Variants in CALN1 observed in about 807,000 individuals in gnomAD.
The protein encoded by CALN1 is calcium-binding protein 8.
CALN1 carries 17 observed loss-of-function variants against 30.6 expected under a neutral mutation model. The observed-to-expected ratio is 0.56, with a 90% CI of 0.38 to 0.83. CALN1 has a LOEUF of 0.83. Among genes scored for constraint, CALN1 ranks in the 40% least tolerant of loss-of-function variants. The pLI, the probability that CALN1 is intolerant of heterozygous loss-of-function variation, is 0.00. For missense variants in CALN1, 291 were observed against 354.9 expected (o/e 0.82, Z 1.45); for synonymous variants, 156 against 131.4 (o/e 1.19, Z -1.28).
At chr7:72,311,764 T>G (rs1289636311) in intron 2 of CALN1, among the ~76,000 whole-genome samples, 1 of 147,228 alleles carries the variant, frequency 6.8e-6, no homozygotes, top group Non-Finnish European at 1.5e-5. Flanking sequence ...CCCAAACTGC[T>G]GAGATTACAG....
At chr7:72,359,501 T>C (rs1267557089) in intron 2 of CALN1, among the ~76,000 whole-genome samples, 5 of 152,178 alleles carry the variant, frequency 3.3e-5, no homozygotes, top group Non-Finnish European at 7.3e-5. Context: ...AAGGTACTAC[T>C]TTTAGGTCAC....
At chr7:72,096,942 C>T (rs1159236770) in intron 4 of CALN1, among the ~76,000 whole-genome samples, 2 of 152,152 alleles carry the variant, frequency 1.3e-5, no homozygotes, top group Non-Finnish European at 1.5e-5. Context: ...GGATTAAGAA[C>T]ATGTGGCACA....
At chr7:71,990,185 C>G (rs1281438543) in intron 5 of CALN1, among the ~76,000 whole-genome samples, 2 of 152,156 alleles carry the variant, frequency 1.3e-5, no homozygotes, top group Non-Finnish European at 2.9e-5. Flanking sequence ...AAAGTGACCC[C>G]TGGTCGTCCT....
intron 5 of CALN1, among the ~76,000 whole-genome samples, chr7:71,857,597 C>A (rs1306691128): frequency 6.6e-6 from 1 of 152,162 alleles, no homozygotes; most frequent in African/African-American, 2.4e-5. Flanking sequence ...TCCCTCTCCT[C>A]CCCCTGTTCT....
chr7:72,229,825 T>C (rs750644122), intron 3 of CALN1, among the ~76,000 whole-genome samples: 1 of 151,782 alleles, frequency 6.6e-6, no homozygotes, highest in Non-Finnish European at 1.5e-5. Context: ...GACAAATACA[T>C]AATGCATTTG....
intron 3 of CALN1, among the ~76,000 whole-genome samples, chr7:72,112,124 T>C (rs756962212): frequency 9.5e-4 from 144 of 152,140 alleles, no homozygotes; most frequent in Non-Finnish European, 1.8e-3. Context: ...TCCATGATGC[T>C]TCCTAATGAC....
At chr7:72,084,277 C>T (rs953026382) in intron 4 of CALN1, among the ~76,000 whole-genome samples, 1 of 152,086 alleles carries the variant, frequency 6.6e-6, no homozygotes, top group Non-Finnish European at 1.5e-5. Context: ...CAGGGGAAAC[C>T]AAACCTCAAC....
chr7:72,296,773 C>T (rs1317652852), intron 2 of CALN1, among the ~76,000 whole-genome samples: 3 of 148,178 alleles, frequency 2.0e-5, no homozygotes, highest in Non-Finnish European at 3.0e-5. Context: ...GTCTTGCTAG[C>T]GGTCTATCAA....
At position 71,900,780 on chromosome 7, in the gene CALN1, G is replaced by A. The variant is rs998358925; in HGVS notation, c.502-90288C>T. 2.0e-4 allele frequency among the ~76,000 whole-genome samples: 30 copies of A among 152,312 alleles called. No individual in the cohort carries two copies. The Middle Eastern group carries it at 0.01, about 52-fold the overall frequency. On this transcript the variant is annotated intron_variant, in intron 5 of 6. Transcript: ENST00000395275. Reference sequence around the variant, plus strand: ...AGGCTGAGCAGGCATACTGGCAAAGGACTGTGTCGTTATGCTGAACTTTGC... The same window carrying A: ...AGGCTGAGCAGGCATACTGGCAAAGAACTGTGTCGTTATGCTGAACTTTGC...
chr7:72,252,760 C>T (rs934251279), intron 3 of CALN1, among the ~76,000 whole-genome samples: 1 of 152,156 alleles, frequency 6.6e-6, no homozygotes, highest in African/African-American at 2.4e-5. Context: ...GCTACTCCTA[C>T]TCCTGTTCCT....
chr7:71,788,007 C>T (rs1169681514), intron 6 of CALN1, 105 bp from the exon 7 acceptor site: 21 of 1,471,326 alleles, frequency 1.4e-5, no homozygotes, highest in Non-Finnish European at 1.9e-5. Context: ...CTCAACAGGC[C>T]AGCAGTGAGT....
Position 72,410,918 on chromosome 7 carries a change from G to C in CALN1, c.-74+1140C>G, listed in dbSNP as rs550068988. 1.1e-3 allele frequency among the ~76,000 whole-genome samples: 173 copies of C among 152,158 alleles called. 1 individual carries two copies. The highest frequency in any genetic ancestry group is 3.7e-3 in the African/African-American group (155 of 41,518). ...CTGTATTGTAGGCATTAACCAACAT[G>C]ATTAGACAATTAGAGGCATAAGATG... On this transcript the variant is annotated intron_variant, in intron 1 of 6. Coordinates refer to ENST00000395275, the MANE Select transcript of CALN1 (RefSeq NM_031468.4).
chr7:71,957,971 A>C (rs1797044317), intron 5 of CALN1, among the ~76,000 whole-genome samples: 1 of 150,304 alleles, frequency 6.7e-6, no homozygotes, highest in Non-Finnish European at 1.5e-5. Context: ...AGGCTGAGGC[A>C]GGAGAATCTC....
intron 2 of CALN1, among the ~76,000 whole-genome samples, chr7:72,383,894 A>G (rs1805055117): frequency 6.6e-6 from 1 of 152,234 alleles, no homozygotes; most frequent in African/African-American, 2.4e-5. Context: ...ATCTGTGCAG[A>G]ACATGCAGGT....
chr7:71,915,038 C>A (rs1794616261), intron 5 of CALN1, among the ~76,000 whole-genome samples: 1 of 152,210 alleles, frequency 6.6e-6, no homozygotes, highest in Non-Finnish European at 1.5e-5. Flanking sequence ...GACGCTGGTA[C>A]ACAAACACTT....
chr7:72,316,967 CGAAAGGAAAGGAAAGGAAAAAAAAAG>C (rs1378001518), intron 2 of CALN1, among the ~76,000 whole-genome samples: 2 of 86,588 alleles, frequency 2.3e-5, no homozygotes, highest in South Asian at 3.4e-4. Flanking sequence ...AACAAATAAA[CGAAAGGAAAGGAAAGGAAAAAAAAAG>C]GAAAGGAAAG....
the CALN1 span, among the ~76,000 whole-genome samples, chr7:72,486,225 T>A: frequency 0.039 from 5,983 of 152,172 alleles, 372 homozygotes; most frequent in East Asian, 0.25. Flanking sequence ...AATATTATAA[T>A]CTTATGGGAC....
At chr7:72,197,403 T>C (rs1791105250) in intron 3 of CALN1, among the ~76,000 whole-genome samples, 1 of 152,090 alleles carries the variant, frequency 6.6e-6, no homozygotes, top group South Asian at 2.1e-4. Context: ...GGTTTTGCCA[T>C]GTTGGTCGGG....
At chr7:72,335,827 T>C (rs1413687209) in intron 2 of CALN1, among the ~76,000 whole-genome samples, 1 of 152,136 alleles carries the variant, frequency 6.6e-6, no homozygotes, top group Non-Finnish European at 1.5e-5. Flanking sequence ...GTGCACGCTC[T>C]GTACCCCCAG....
Sources: allele counts gnomAD v4.1 joint callset (sites outside exome capture counted in the v4.1 genomes callset), GRCh38; gene constraint gnomAD v4.1.1; transcripts MANE v1.5; gene names NCBI Gene and HGNC (gene_info 2026-07-23, HGNC 2026-07-21).